The following SLC6A20 variants were observed in gnomAD, a reference collection of about 807,000 sequenced individuals.
SLC6A20 encodes solute carrier family 6 member 20.
In SLC6A20, 73 loss-of-function variants were observed where a neutral mutation model predicts 64.3. The ratio of observed to expected loss-of-function variants is 1.14; its 90% CI spans 0.94 to 1.38. The LOEUF (loss-of-function observed/expected upper bound fraction) is 1.38. Ranked by LOEUF, SLC6A20 falls within the 40% of genes most tolerant of loss-of-function variation. The pLI is 0.00. For synonymous variants in SLC6A20, 347 were observed against 329.6 expected (o/e 1.05, Z -0.57); for missense variants, 725 against 772.8 (o/e 0.94, Z 0.73).
chr3:45,767,891 T>C (rs1699800953), intron 7 of SLC6A20, among the ~76,000 whole-genome samples: 1 of 152,194 alleles, frequency 6.6e-6, no homozygotes, highest in African/African-American at 2.4e-5. Flanking sequence ...GAGAAAATAA[T>C]TGTTAACCTG....
intron 1 of SLC6A20, among the ~76,000 whole-genome samples, chr3:45,782,945 AT>A (rs1170222470): frequency 1.2e-4 from 19 of 152,338 alleles, no homozygotes; most frequent in Non-Finnish European, 1.9e-4. Flanking sequence ...CTAATAGTTG[AT>A]CAGGGCCAAG....
At chr3:45,777,679 T>C (rs1331549508) in intron 3 of SLC6A20, among the ~76,000 whole-genome samples, 2 of 152,142 alleles carry the variant, frequency 1.3e-5, no homozygotes, top group Non-Finnish European at 2.9e-5. Flanking sequence ...AGGTGCCCAG[T>C]GGCAGCCAGC....
intron 8 of SLC6A20, among the ~76,000 whole-genome samples, chr3:45,764,873 T>G (rs1026547190): frequency 2.0e-4 from 30 of 152,050 alleles, no homozygotes; most frequent in South Asian, 8.3e-4. Context: ...TGGATACATA[T>G]GTAAAATCCA....
At chr3:45,759,548 A>G (rs567831339) in intron 10 of SLC6A20, among the ~76,000 whole-genome samples, 194 of 152,284 alleles carry the variant, frequency 1.3e-3, no homozygotes, top group African/African-American at 4.5e-3. Context: ...GGCGCGGAGG[A>G]GAGCGCTGCT....
At chr3:45,764,815 G>A (rs1160480958) in intron 8 of SLC6A20, among the ~76,000 whole-genome samples, 2 of 152,088 alleles carry the variant, frequency 1.3e-5, no homozygotes, top group East Asian at 3.8e-4. Flanking sequence ...GAACTGTCTA[G>A]GGTGTGGAAA....
intron 1 of SLC6A20, among the ~76,000 whole-genome samples, chr3:45,785,647 T>TCTCTCTCTCTCTCTCTCTCTCTA: frequency 1.2e-5 from 1 of 83,404 alleles, no homozygotes; most frequent in South Asian, 5.2e-4. Flanking sequence ...CTCTCTCTCT[T>TCTCTCTCTCTCTCTCTCTCTCTA]CCCCCTATTA....
intron 1 of SLC6A20, among the ~76,000 whole-genome samples, chr3:45,785,613 TTCTCTCTCTCTCTCTC>T (rs60563353): frequency 4.6e-4 from 65 of 141,104 alleles, no homozygotes; most frequent in African/African-American, 1.7e-3. Context: ...AAACTCCCCT[TTCTCTCTCTCTCTCTC>T]TCTCTCTCTC....
chr3:45,794,337 A>G (rs1700310369), intron 1 of SLC6A20, among the ~76,000 whole-genome samples: 2 of 152,324 alleles, frequency 1.3e-5, no homozygotes, highest in South Asian at 2.1e-4. Flanking sequence ...TCAAGTGCCT[A>G]CGGTGCCAAG....
chr3:45,771,424 T>C lies in SLC6A20; in HGVS notation c.728A>G (p.Asn243Ser), dbSNP rs1401088963. The C allele has an allele frequency of 3.7e-6, 6 of 1,614,096 alleles. No homozygotes were observed. The highest frequency in any genetic ancestry group is 2.2e-5 in the East Asian group (1 of 44,894). ...TGAGAAGAAGATCTGGGTGGCTGCA[T>C]TGATCCAGGCCTTGGGGTTGGCCAG... ...EQLANPKAWI[N>S]AATQIFFSLG... is the part of the protein sequence containing the mutation. Residue 243 changes from asparagine (N) to serine (S), a missense_variant, in exon 6 of 11, where the codon AAT becomes AGT. Asn to Ser is a conservative substitution (Grantham distance 46, BLOSUM62 1). Transcript: ENST00000358525.
intron 3 of SLC6A20, among the ~76,000 whole-genome samples, chr3:45,776,518 C>T (rs1201487240): frequency 1.3e-5 from 2 of 152,094 alleles, no homozygotes; most frequent in African/African-American, 4.8e-5. Context: ...CCTGCAAAGT[C>T]CAGGAGTCTA....
In SLC6A20 at chr3:45,779,997, C is replaced by G. The variant is rs369925713; in HGVS notation, c.354+12G>C. Reference sequence around the variant, plus strand: ...CTCCTACTCCTGTTCTGGCACGGGCCCCCCGGCTCACCTGGAAGGAGTGGA... The same window carrying G: ...CTCCTACTCCTGTTCTGGCACGGGCGCCCCGGCTCACCTGGAAGGAGTGGA... On this transcript the variant is annotated intron_variant, in intron 3 of 10. Transcript: ENST00000358525. 1 of 1,592,036 alleles carries G rather than the reference C, an allele frequency of 6.3e-7. No homozygotes were observed. Among genetic ancestry groups the G allele is most frequent in the Admixed American group, 1.7e-5 (1 of 57,236 alleles).
chr3:45,758,475 G>GA lies in SLC6A20; in HGVS notation c.*502dup. On this transcript the variant is annotated 3_prime_UTR_variant, in exon 11 of 11. Coordinates refer to ENST00000358525, the MANE Select transcript of SLC6A20 (RefSeq NM_020208.4). ...TCCTAAGATTTAAAGGGTGGAAGGG[G>GA]AACACAGAAATTGCATATTCACTAC... The GA allele has an allele frequency of 8.1e-7, 1 of 1,238,332 alleles. No homozygotes were observed. Among genetic ancestry groups the GA allele is most frequent in the Non-Finnish European group, 1.0e-6 (1 of 967,048 alleles). The allele number at this position is 1,238,332 out of a possible 1,614,324, so 76.7% of individuals were successfully genotyped here.
At chr3:45,790,726 C>T (rs1700235867) in intron 1 of SLC6A20, among the ~76,000 whole-genome samples, 1 of 152,226 alleles carries the variant, frequency 6.6e-6, no homozygotes, top group Non-Finnish European at 1.5e-5. Context: ...TAAACCACAG[C>T]TCTGACTGTG....
chr3:45,785,646 T>TCTCTCTCTCTCTCTC (rs58230332), intron 1 of SLC6A20, among the ~76,000 whole-genome samples: 8 of 144,270 alleles, frequency 5.5e-5, no homozygotes, highest in South Asian at 4.4e-4. Context: ...TCTCTCTCTC[T>TCTCTCTCTCTCTCTC]TCCCCCTATT....
rs752879084 is a variant in SLC6A20 at position 45,759,020 on chromosome 3, A to G, written c.1737T>C (p.Val579=). The change falls in exon 11 of 11, where the codon GTT becomes GTC. Residue 579 remains valine, a synonymous_variant. Transcript: ENST00000358525. The part of the protein sequence containing the change: ...CIPLAALGTF[V]QRRLKRGDAD... The stretch of plus-strand genomic sequence containing the variant: ...CGTCTCCCCTCTTGAGGCGACGCTG[A>G]ACAAAAGTCCCCAGGGCCGCCAGGG... 6.2e-7 allele frequency: 1 copy of G among 1,612,546 alleles called. No homozygotes were observed. The highest frequency in any genetic ancestry group is 1.1e-5 in the South Asian group (1 of 90,602).
At chr3:45,780,429 G>A (rs1337051537) in intron 2 of SLC6A20, among the ~76,000 whole-genome samples, 1 of 152,220 alleles carries the variant, frequency 6.6e-6, no homozygotes, top group Non-Finnish European at 1.5e-5. Context: ...TATCGCAGAA[G>A]AGAAAACTGA....
chr3:45,770,278 G>A lies in SLC6A20; in HGVS notation c.1029C>T (p.Ala343=), dbSNP rs1490080810. The change falls in exon 7 of 11, where the codon GCC becomes GCT. Residue 343 remains alanine, a synonymous_variant. Coordinates refer to ENST00000358525, the MANE Select transcript of SLC6A20 (RefSeq NM_020208.4). ...ACATCTCGCTGTATTTGCTTGGGTA[G>A]GCAGATGCGAGGTAGCCCTTCACCT... ...LEQVKGYLAS[A]YPSKYSEMFP... 1 of 1,614,038 alleles carries A rather than the reference G, an allele frequency of 6.2e-7. No individual in the cohort carries two copies. Among genetic ancestry groups the A allele is most frequent in the Non-Finnish European group, 8.5e-7 (1 of 1,180,048 alleles).
chr3:45,781,753 C>T (rs1559570104), intron 2 of SLC6A20, among the ~76,000 whole-genome samples: 1 of 152,172 alleles, frequency 6.6e-6, no homozygotes, highest in Admixed American at 6.5e-5. Flanking sequence ...GGTGAGTTTC[C>T]AGAATGGTTG....
At chr3:45,794,472 G>A (rs941649525) in intron 1 of SLC6A20, among the ~76,000 whole-genome samples, 3 of 152,066 alleles carry the variant, frequency 2.0e-5, no homozygotes, top group African/African-American at 4.8e-5. Flanking sequence ...TCCATGCTCC[G>A]TCCGGCTTCC....
Sources: allele counts gnomAD v4.1 joint callset (sites outside exome capture counted in the v4.1 genomes callset), GRCh38; gene constraint gnomAD v4.1.1; transcripts MANE v1.5; gene names NCBI Gene and HGNC (gene_info 2026-07-23, HGNC 2026-07-21).